The following GRID1 variants were observed in gnomAD, a reference collection of about 807,000 sequenced individuals.
GRID1 encodes glutamate ionotropic receptor delta type subunit 1, also known as glutamate receptor ionotropic, delta-1.
Under a neutral mutation model 98.0 loss-of-function variants are expected in GRID1, and 28 were observed. The ratio of observed to expected loss-of-function variants is 0.29; its 90% CI spans 0.21 to 0.39. The LOEUF is 0.39. GRID1 is among the 10% of genes least tolerant of loss of function. GRID1 has a pLI of 1.00. For missense variants in GRID1, 1,111 were observed against 1,340.5 expected, an observed-to-expected ratio of 0.83 and a Z score of 2.67; for synonymous variants, 553 against 538.5, an observed-to-expected ratio of 1.03 and a Z score of -0.37.
At chr10:86,316,902 A>G (rs747616899) in intron 2 of GRID1, among the ~76,000 whole-genome samples, 1 of 152,216 alleles carries the variant, frequency 6.6e-6, no homozygotes, top group Non-Finnish European at 1.5e-5. Flanking sequence ...CTGAGTGTGC[A>G]CAAGAATCAC....
chr10:85,890,949 T>C (rs1419234617), intron 5 of GRID1, among the ~76,000 whole-genome samples: 1 of 152,232 alleles, frequency 6.6e-6, no homozygotes, highest in Admixed American at 6.5e-5. Flanking sequence ...TATTAAAAGC[T>C]GGCTGAGCCC....
chr10:85,840,840 G>A (rs1842954707), intron 8 of GRID1, among the ~76,000 whole-genome samples: 1 of 151,984 alleles, frequency 6.6e-6, no homozygotes, highest in African/African-American at 2.4e-5. Flanking sequence ...AATCAGAGAT[G>A]ACATTAACAA....
rs578229456 is a variant in GRID1 at position 85,995,293 on chromosome 10, A to G, written c.727-79054T>C. Among the ~76,000 whole-genome samples, 12 of 152,336 alleles carry G rather than the reference A, an allele frequency of 7.9e-5. No homozygotes were observed. In the South Asian group the frequency reaches 2.5e-3, roughly 32 times the overall value. ...TATTTCTGGGTAGAGCAAGTGTCCT[A>G]AGAGAATCCTGGAAAGAGAGGAAGT... On this transcript the variant is annotated intron_variant, in intron 4 of 15. Transcript: ENST00000327946.
chr10:85,728,872 T>C (rs1841791541), intron 9 of GRID1, among the ~76,000 whole-genome samples: 1 of 152,182 alleles, frequency 6.6e-6, no homozygotes, highest in African/African-American at 2.4e-5. Flanking sequence ...GGAATGCTAG[T>C]GTCTGCTGGG....
chr10:86,082,700 C>A (rs1843994230), intron 4 of GRID1, among the ~76,000 whole-genome samples: 1 of 152,136 alleles, frequency 6.6e-6, no homozygotes, highest in Non-Finnish European at 1.5e-5. Context: ...GCCCCCCAGG[C>A]CAAAGCTGAC....
At chr10:86,007,669 C>T (rs1842878896) in intron 4 of GRID1, among the ~76,000 whole-genome samples, 1 of 152,166 alleles carries the variant, frequency 6.6e-6, no homozygotes, top group African/African-American at 2.4e-5. Flanking sequence ...TTTTCTTCTG[C>T]TCCCCTAAGA....
At chr10:85,694,213 C>T (rs1297319834) in intron 12 of GRID1, among the ~76,000 whole-genome samples, 3 of 151,818 alleles carry the variant, frequency 2.0e-5, no homozygotes, top group African/African-American at 7.3e-5. Flanking sequence ...GTAAATTAAA[C>T]CTACAGTGAG....
intron 4 of GRID1, among the ~76,000 whole-genome samples, chr10:86,078,897 G>A (rs1843924675): frequency 6.6e-6 from 1 of 152,224 alleles, no homozygotes; most frequent in Non-Finnish European, 1.5e-5. Flanking sequence ...GTGCAAACCT[G>A]ACAGGTAGAC....
At chr10:86,221,718 A>G (rs900181064) in intron 2 of GRID1, among the ~76,000 whole-genome samples, 3 of 152,162 alleles carry the variant, frequency 2.0e-5, no homozygotes, top group Non-Finnish European at 4.4e-5. Context: ...GTTAGGAGGA[A>G]AGGGAGGGTG....
At chr10:86,053,537 T>C (rs887813265) in intron 4 of GRID1, among the ~76,000 whole-genome samples, 13 of 152,084 alleles carry the variant, frequency 8.5e-5, no homozygotes, top group African/African-American at 2.9e-4. Context: ...TTTTTTTGTA[T>C]TTTTAGTAGA....
In GRID1 at chr10:85,614,545, T is replaced by C. The variant is rs571139103; in HGVS notation, c.2361-898A>G. 6.6e-5 allele frequency among the ~76,000 whole-genome samples: 10 copies of C among 152,354 alleles called. No individual in the cohort carries two copies. In the South Asian group the frequency reaches 2.1e-3, roughly 32 times the overall value. On this transcript the variant is annotated intron_variant, in intron 14 of 15. Coordinates refer to ENST00000327946, the MANE Select transcript of GRID1 (RefSeq NM_017551.3). ...TGAAATGTCTTGCCAAAAGTCATTA[T>C]GAGGCTGCCAGGGTTGGCTTTCAAC...
chr10:85,964,006 G>A (rs942710297), intron 4 of GRID1, among the ~76,000 whole-genome samples: 7 of 152,064 alleles, frequency 4.6e-5, no homozygotes, highest in African/African-American at 1.7e-4. Context: ...CAAACAGAGA[G>A]CCAAATCATG....
At chr10:86,302,546 T>C (rs935650167) in intron 2 of GRID1, among the ~76,000 whole-genome samples, 2 of 152,126 alleles carry the variant, frequency 1.3e-5, no homozygotes, top group Non-Finnish European at 2.9e-5. Flanking sequence ...TGCTTCTTGA[T>C]ATGATGATAT....
intron 2 of GRID1, among the ~76,000 whole-genome samples, chr10:86,321,164 T>C (rs1476476674): frequency 6.7e-6 from 1 of 150,104 alleles, no homozygotes; most frequent in Non-Finnish European, 1.5e-5. Context: ...GCAAAGTCAA[T>C]TCAGATGTAC....
At chr10:86,113,937 AG>A (rs1844531379) in intron 4 of GRID1, among the ~76,000 whole-genome samples, 1 of 152,232 alleles carries the variant, frequency 6.6e-6, no homozygotes, top group Non-Finnish European at 1.5e-5. Flanking sequence ...ACAACAAAAT[AG>A]GTTTCCTTAA....
intron 2 of GRID1, among the ~76,000 whole-genome samples, chr10:86,327,034 G>C (rs1848060388): frequency 6.6e-6 from 1 of 152,064 alleles, no homozygotes; most frequent in Admixed American, 6.6e-5. Flanking sequence ...TACTTGGGAG[G>C]GTGAGGCAGG....
chr10:85,783,873 A>G (rs1416930677), intron 8 of GRID1, among the ~76,000 whole-genome samples: 1 of 152,130 alleles, frequency 6.6e-6, no homozygotes, highest in Non-Finnish European at 1.5e-5. Context: ...CCCAGAGAAG[A>G]GCATTCTTTG....
intron 5 of GRID1, among the ~76,000 whole-genome samples, chr10:85,913,134 A>G (rs937219289): frequency 1.3e-5 from 2 of 152,130 alleles, no homozygotes; most frequent in African/African-American, 4.8e-5. Flanking sequence ...AGAAGACTTC[A>G]AAAAAGTCCC....
At chr10:85,757,892 C>A (rs1218994908) in intron 8 of GRID1, among the ~76,000 whole-genome samples, 2 of 152,224 alleles carry the variant, frequency 1.3e-5, no homozygotes, top group Non-Finnish European at 2.9e-5. Flanking sequence ...TGCTGCTACA[C>A]TGGCAAGTAT....
Sources: allele counts gnomAD v4.1 joint callset (sites outside exome capture counted in the v4.1 genomes callset), GRCh38; gene constraint gnomAD v4.1.1; transcripts MANE v1.5; gene names NCBI Gene and HGNC (gene_info 2026-07-23, HGNC 2026-07-21).